Variants in ZNF718 observed in about 807,000 individuals in gnomAD.
ZNF718 encodes zinc finger protein 718.
A neutral mutation model predicts 2.6 loss-of-function variants in ZNF718; 3 were observed. The observed-to-expected ratio is 1.16, with a 90% CI of 0.53 to 3.01. The LOEUF is 3.01. ZNF718 is among the 30% of genes most tolerant of loss of function. The pLI is 0.03. For synonymous variants in ZNF718, 135 were observed against 77.9 expected, an observed-to-expected ratio of 1.73 and a Z score of -3.86; for missense variants, 468 against 230.0, an observed-to-expected ratio of 2.03 and a Z score of -6.69.
At chr4:174,122 C>T (rs782297776) in intron 3 of ZNF718, among the ~76,000 whole-genome samples, 18 of 152,148 alleles carry the variant, frequency 1.2e-4, no homozygotes, top group Non-Finnish European at 1.5e-4. Flanking sequence ...CTACTCCTCA[C>T]CCTTTGCCCT....
chr4:152,007 A>G (rs531564293), intron 3 of ZNF718, among the ~76,000 whole-genome samples: 133 of 148,386 alleles, frequency 9.0e-4, no homozygotes, highest in African/African-American at 3.2e-3. Flanking sequence ...CACGTGAACA[A>G]AGGTCTTTGC....
chr4:155,693 T>C (rs1342732201), intron 3 of ZNF718, among the ~76,000 whole-genome samples: 2 of 151,984 alleles, frequency 1.3e-5, no homozygotes, highest in Non-Finnish European at 2.9e-5. Context: ...AGGGACTTAC[T>C]TTCTCTCAAT....
intron 3 of ZNF718, among the ~76,000 whole-genome samples, chr4:177,847 A>G (rs182221057): frequency 1.4e-4 from 21 of 152,182 alleles, no homozygotes; most frequent in African/African-American, 4.6e-4. Flanking sequence ...TAGGGTCTCA[A>G]TCTGTTGAGG....
intron 3 of ZNF718, among the ~76,000 whole-genome samples, chr4:170,666 A>G (rs1717204710): frequency 6.6e-6 from 1 of 152,086 alleles, no homozygotes; most frequent in South Asian, 2.1e-4. Flanking sequence ...TGCGTTCGTC[A>G]TGTAGTTCTC....
downstream of ZNF718, among the ~76,000 whole-genome samples, chr4:168,559 C>G (rs1278340097): frequency 1.3e-5 from 2 of 152,118 alleles, no homozygotes; most frequent in East Asian, 3.8e-4. Context: ...AGATATTCAA[C>G]TTTTTCCTAG....
intron 3 of ZNF718, among the ~76,000 whole-genome samples, chr4:195,820 G>A (rs1388259911): frequency 6.6e-6 from 1 of 152,176 alleles, no homozygotes; most frequent in Non-Finnish European, 1.5e-5. Context: ...CAACAAGGTA[G>A]TATTGGAGGG....
At chr4:124,820 C>T in intron 1 of ZNF718, 147 bp downstream of exon 1, 1 of 1,088,556 alleles carries the variant, frequency 9.2e-7, no homozygotes. Context: ...GCGCTCTTGT[C>T]AGTCCCCGTA....
At chr4:143,494 A>T (rs938863789) in intron 3 of ZNF718, among the ~76,000 whole-genome samples, 1 of 152,202 alleles carries the variant, frequency 6.6e-6, no homozygotes, top group East Asian at 1.9e-4. Context: ...CCAAGGGGGA[A>T]GTTTTTAAAC....
At chr4:150,566 C>G (rs1480291410) in intron 3 of ZNF718, among the ~76,000 whole-genome samples, 3 of 152,018 alleles carry the variant, frequency 2.0e-5, no homozygotes, top group Admixed American at 6.5e-5. Context: ...CATCCGTGTC[C>G]TTGCAAATAT....
intron 1 of ZNF718, chr4:124,892 T>G: frequency 3.8e-6 from 2 of 530,706 alleles, no homozygotes; most frequent in Non-Finnish European, 6.6e-6. Context: ...GCCCTGCACT[T>G]TCCCCGGGCT....
intron 3 of ZNF718, among the ~76,000 whole-genome samples, chr4:174,117 C>A (rs904456333): frequency 6.6e-6 from 1 of 152,134 alleles, no homozygotes; most frequent in Non-Finnish European, 1.5e-5. Context: ...TGTATCTACT[C>A]CTCACCCTTT....
At chr4:143,331 G>C (rs1283503168) in intron 3 of ZNF718, among the ~76,000 whole-genome samples, 3 of 152,120 alleles carry the variant, frequency 2.0e-5, no homozygotes, top group African/African-American at 4.8e-5. Flanking sequence ...GCTGGGATTA[G>C]TGCCTACCAC....
intron 3 of ZNF718, among the ~76,000 whole-genome samples, chr4:160,329 T>C (rs1553814619): frequency 6.6e-6 from 1 of 152,194 alleles, no homozygotes; most frequent in African/African-American, 2.4e-5. Context: ...CTTCGTGTTT[T>C]ATGTGGCTCT....
Position 189,513 on chromosome 4 carries a change from T to C in ZNF718, c.227-11568T>C, listed in dbSNP as rs74607640. Among the ~76,000 whole-genome samples, 225 of 152,298 alleles carry C rather than the reference T, an allele frequency of 1.5e-3. 5 individuals carry two copies. In the East Asian group the frequency reaches 0.042, roughly 28 times the overall value. On this transcript the variant is annotated intron_variant and NMD_transcript_variant, in intron 3 of 4. Transcript: ENST00000642529. ...CGTATTTTGTGACATTAATAAACTT[T>C]ATTAGTTCAAGTAAGTTTTTGATAA...
chr4:202,241 A>G (rs1717916554), exon 5 of ZNF718: 1 of 152,230 alleles, frequency 6.6e-6, no homozygotes, highest in African/African-American at 2.4e-5. Context: ...GCCTTCTGAC[A>G]TGATTGAGAG....
chr4:160,434 C>A (rs1229161594), intron 3 of ZNF718, among the ~76,000 whole-genome samples: 1 of 152,120 alleles, frequency 6.6e-6, no homozygotes, highest in East Asian at 1.9e-4. Context: ...TTATATATGT[C>A]TGTAAAGAAA....
At chr4:141,604 T>C (rs1715814435) in intron 3 of ZNF718, among the ~76,000 whole-genome samples, 1 of 152,194 alleles carries the variant, frequency 6.6e-6, no homozygotes, top group African/African-American at 2.4e-5. Context: ...TTTGGGTACA[T>C]GTGATTGCTA....
intron 3 of ZNF718, among the ~76,000 whole-genome samples, chr4:154,588 G>A (rs1553813270): frequency 6.6e-6 from 1 of 152,208 alleles, no homozygotes; most frequent in African/African-American, 2.4e-5. Flanking sequence ...CTGCACTAGA[G>A]ATCTGTGGAA....
chr4:126,303 C>T (rs1553808006), intron 1 of ZNF718, among the ~76,000 whole-genome samples: 2 of 152,202 alleles, frequency 1.3e-5, no homozygotes, highest in African/African-American at 2.4e-5. Flanking sequence ...AATTTTTGCT[C>T]TTCTCCCTTT....
Sources: gnomAD v4.1 joint callset for allele counts (sites outside exome capture counted in the v4.1 genomes callset) on GRCh38, gnomAD v4.1.1 for gene constraint, MANE v1.5 for transcripts, NCBI Gene and HGNC (gene_info 2026-07-23, HGNC 2026-07-21) for gene names.